The following PTGER2 variants were observed in gnomAD, a reference collection of about 807,000 sequenced individuals.
PTGER2 encodes the protein prostaglandin E receptor 2, also known as prostaglandin E2 receptor EP2 subtype.
PTGER2 carries 22 observed loss-of-function variants against 26.2 expected under a neutral mutation model. That is an observed-to-expected ratio of 0.84 (90% confidence interval 0.60 to 1.20). The LOEUF is 1.20. Among genes scored for constraint, PTGER2 ranks in the 50% most tolerant of loss-of-function variants. PTGER2 has a pLI of 0.00. For synonymous variants in PTGER2, 219 were observed against 208.9 expected (o/e 1.05, Z -0.42); for missense variants, 458 against 475.2 (o/e 0.96, Z 0.34).
In PTGER2 at chr14:52,327,289, A is replaced by G. The variant is rs2229187; in HGVS notation, c.912A>G (p.Leu304=). Residue 304 remains leucine, a synonymous_variant, in exon 2 of 2, where the codon TTA becomes TTG. Coordinates refer to ENST00000245457, the MANE Select transcript of PTGER2 (RefSeq NM_000956.4). ...GGGACCTCCAAGCTCTTAGGTTTTT[A>G]TCAATTAATTCAATAATTGACCCTT... is the stretch of plus-strand genomic sequence containing the variant. ...EKWDLQALRF[L]SINSIIDPWV... 0.037 allele frequency: 59,400 copies of G among 1,613,386 alleles called. 1,299 individuals are homozygous for G. The highest frequency in any genetic ancestry group is 0.044 in the Middle Eastern group (264 of 6,062).
chr14:52,319,248 G>C lies in PTGER2; in HGVS notation c.843+3857G>C, dbSNP rs188893931. 1.2e-3 allele frequency among the ~76,000 whole-genome samples: 184 copies of C among 152,326 alleles called. 1 individual carries two copies. Among genetic ancestry groups the C allele is most frequent in the Middle Eastern group, 6.8e-3 (2 of 294 alleles). On this transcript the variant is annotated intron_variant, in intron 1 of 1. Coordinates refer to ENST00000245457, the MANE Select transcript of PTGER2 (RefSeq NM_000956.4). ...TTCTTCATGTCAGCTCAAGGGAGCT[G>C]AGCCAGGGCCAACTATGTGGTTCCC...
chr14:52,315,290 C>A lies in PTGER2; in HGVS notation c.742C>A (p.Arg248Ser), dbSNP rs1432100860. The A allele has an allele frequency of 6.2e-7, 1 of 1,612,918 alleles. No homozygotes were observed. Among genetic ancestry groups the A allele is most frequent in the Non-Finnish European group, 8.5e-7 (1 of 1,179,742 alleles). ...CAGTGGCCGGGGCGGCCCCGGGGCC[C>A]GCAGGAGAGGGGAAAGGGTGTCCAT... ...LGSGRGGPGA[R>S]RRGERVSMAE... Residue 248 changes from arginine to serine, a missense_variant, in exon 1 of 2, where the codon CGC becomes AGC. By Grantham distance (110) the Arg-to-Ser change is moderately radical. Transcript: ENST00000245457.
chr14:52,321,854 C>A (rs1462008186), intron 1 of PTGER2, among the ~76,000 whole-genome samples: 1 of 152,158 alleles, frequency 6.6e-6, no homozygotes, highest in Non-Finnish European at 1.5e-5. Flanking sequence ...AAGGGAAAAT[C>A]AGATTGTATA....
intron 1 of PTGER2, among the ~76,000 whole-genome samples, chr14:52,322,672 A>G (rs944631437): frequency 6.6e-6 from 1 of 152,134 alleles, no homozygotes; most frequent in Non-Finnish European, 1.5e-5. Context: ...TCTCAACCGC[A>G]TAAGACAGAC....
intron 1 of PTGER2, among the ~76,000 whole-genome samples, chr14:52,324,956 T>C (rs2140040046): frequency 6.6e-6 from 1 of 152,244 alleles, no homozygotes; most frequent in East Asian, 1.9e-4. Context: ...CTGTCCAACA[T>C]GGTGAAACCC....
chr14:52,322,991 A>G (rs761336802), intron 1 of PTGER2, among the ~76,000 whole-genome samples: 1 of 152,246 alleles, frequency 6.6e-6, no homozygotes, highest in Non-Finnish European at 1.5e-5. Flanking sequence ...TAACACAAAT[A>G]TCATAGTGGT....
At chr14:52,320,209 A>T (rs368193315) in intron 1 of PTGER2, among the ~76,000 whole-genome samples, 2 of 152,348 alleles carry the variant, frequency 1.3e-5, no homozygotes, top group South Asian at 2.1e-4. Flanking sequence ...TTTAATACAC[A>T]TGATGTTTTA....
chr14:52,314,382 A>T lies in PTGER2; in HGVS notation c.-167A>T. 1 of 766,306 alleles carries T rather than the reference A, an allele frequency of 1.3e-6. No individual in the cohort carries two copies. The highest frequency in any genetic ancestry group is 1.8e-6 in the Non-Finnish European group (1 of 561,840). The allele number at this position is 766,306 out of a possible 1,614,324, so 47.5% of individuals were successfully genotyped here. On this transcript the variant is annotated 5_prime_UTR_variant, in exon 1 of 2. It introduces an in-frame stop codon into an upstream open reading frame of the 5' UTR. Coordinates refer to ENST00000245457, the MANE Select transcript of PTGER2 (RefSeq NM_000956.4). The surrounding 1 kb of genome is among the most constrained non-coding windows in gnomAD (Gnocchi z 5.7). ...GAGCCGCCACTCGGCGCGCGGCGGG[A>T]GACCCAGGGCAAGCCGCCGTCGGCG...
intron 1 of PTGER2, among the ~76,000 whole-genome samples, chr14:52,318,961 G>C (rs189734943): frequency 6.6e-6 from 1 of 152,102 alleles, no homozygotes; most frequent in Non-Finnish European, 1.5e-5. Context: ...GATTTCTATC[G>C]TACAGACGAG....
Position 52,314,746 on chromosome 14 carries a change from G to C in PTGER2, c.198G>C (p.Leu66Phe). The change falls in exon 1 of 2, where the codon TTG becomes TTC. Residue 66 changes from leucine (L) to phenylalanine (F), a missense_variant. Physicochemically the swap from Leu to Phe is conservative, Grantham distance 22. Coordinates refer to ENST00000245457, the MANE Select transcript of PTGER2 (RefSeq NM_000956.4). The surrounding 1 kb of genome is among the most constrained non-coding windows in gnomAD (Gnocchi z 5.7). ...CCGGCCGCAGGAGCTCCCTCTCCTT[G>C]TTCCACGTGCTGGTGACCGAGCTGG... is the stretch of plus-strand genomic sequence containing the variant. ...CSAGRRSSLS[L>F]FHVLVTELVF... 1.2e-6 allele frequency: 2 copies of C among 1,600,528 alleles called. No individual in the cohort carries two copies. Among genetic ancestry groups the C allele is most frequent in the Non-Finnish European group, 1.7e-6 (2 of 1,170,792 alleles).
chr14:52,314,959 G>A lies in PTGER2; in HGVS notation c.411G>A (p.Ser137=), dbSNP rs751150188. Residue 137 remains serine (S), a synonymous_variant, in exon 1 of 2, where the codon TCG becomes TCA. Coordinates refer to ENST00000245457, the MANE Select transcript of PTGER2 (RefSeq NM_000956.4). The surrounding 1 kb of genome is among the most constrained non-coding windows in gnomAD (Gnocchi z 5.7). The part of the protein sequence containing the change: ...LFAMALERYL[S]IGHPYFYQRR... ...CCATGGCCCTGGAGCGCTACCTCTC[G>A]ATCGGGCACCCCTACTTCTACCAGC... 2.5e-6 allele frequency: 4 copies of A among 1,613,200 alleles called. No individual in the cohort carries two copies. The highest frequency in any genetic ancestry group is 3.4e-6 in the Non-Finnish European group (4 of 1,179,972).
At position 52,327,684 on chromosome 14, in the gene PTGER2, T is replaced by C; in HGVS notation, c.*230T>C. On this transcript the variant is annotated 3_prime_UTR_variant, in exon 2 of 2. Transcript: ENST00000245457. ...CTCAGTGAGCATGGTACTTGGCCTT[T>C]GGAGGAACAATCGGCTGCATTGAAG... 2.3e-6 allele frequency: 1 copy of C among 430,900 alleles called. No homozygotes were observed. Among genetic ancestry groups the C allele is most frequent in the Non-Finnish European group, 4.1e-6 (1 of 242,534 alleles). 26.7% of individuals were successfully genotyped at this position (430,900 alleles called of 1,614,324 possible).
chr14:52,322,604 T>C lies in PTGER2; in HGVS notation c.844-4617T>C, dbSNP rs571819631. On this transcript the variant is annotated intron_variant, in intron 1 of 1. Transcript: ENST00000245457. ...TCAAATTAACCAGGGTGGGTTTTTT[T>C]CCCCACCCTAGTAAGCCTGAGGGTA... Among the ~76,000 whole-genome samples the C allele has an allele frequency of 2.6e-5, 4 of 152,158 alleles. No individual in the cohort carries two copies. In the South Asian group the frequency reaches 6.2e-4, roughly 24 times the overall value.
At position 52,315,372 on chromosome 14, in the gene PTGER2, T is replaced by C. The variant is rs1352820972; in HGVS notation, c.824T>C (p.Val275Ala). Residue 275 changes from valine to alanine, a missense_variant, in exon 1 of 2, where the codon GTC (valine) becomes GCC (alanine). Transcript: ENST00000245457. ...LLAIMTITFAVCSLPFTIFAY... is the reference protein window; with the variant it reads ...LLAIMTITFAACSLPFTIFAY... ...GCTATCATGACCATCACCTTCGCCG[T>C]CTGCTCCTTGCCTTTCACGGTAAGT... The C allele has an allele frequency of 3.1e-6, 5 of 1,613,260 alleles. No individual in the cohort carries two copies. Among genetic ancestry groups the C allele is most frequent in the Admixed American group, 3.3e-5 (2 of 60,010 alleles).
rs755999196 is a variant in PTGER2 at position 52,314,987 on chromosome 14, C to T, written c.439C>T (p.Arg147Cys). ...CGGGCACCCCTACTTCTACCAGCGC[C>T]GCGTCTCGCGCTCCGGGGGCCTGGC... ...SIGHPYFYQR[R>C]VSRSGGLAVL... Residue 147 changes from arginine to cysteine, a missense_variant, in exon 1 of 2, where the codon CGC (arginine) becomes TGC (cysteine). By Grantham distance (180) the Arg-to-Cys change is radical. Coordinates refer to ENST00000245457, the MANE Select transcript of PTGER2 (RefSeq NM_000956.4). This position sits in a 1 kb window ranked among gnomAD's most constrained non-coding sequence, Gnocchi z 5.7. 2 of 1,613,434 alleles carry T rather than the reference C, an allele frequency of 1.2e-6. No individual in the cohort carries two copies. Among genetic ancestry groups the T allele is most frequent in the Non-Finnish European group, 1.7e-6 (2 of 1,180,020 alleles).
intron 1 of PTGER2, among the ~76,000 whole-genome samples, chr14:52,317,736 G>C (rs2033855489): frequency 1.3e-5 from 2 of 152,194 alleles, no homozygotes; most frequent in African/African-American, 4.8e-5. Flanking sequence ...TTTGCTTCTG[G>C]CAAAGATTCC....
At chr14:52,323,078 TAA>T (rs1382658735) in intron 1 of PTGER2, among the ~76,000 whole-genome samples, 1 of 152,194 alleles carries the variant, frequency 6.6e-6, no homozygotes. Flanking sequence ...TAAGAAATTA[TAA>T]GAGTATTATT....
chr14:52,315,146 T>C lies in PTGER2; in HGVS notation c.598T>C (p.Tyr200His). 1 of 1,609,068 alleles carries C rather than the reference T, an allele frequency of 6.2e-7. No individual in the cohort carries two copies. Among genetic ancestry groups the C allele is most frequent in the Non-Finnish European group, 8.5e-7 (1 of 1,179,964 alleles). The change falls in exon 1 of 2, where the codon TAC becomes CAC. Residue 200 changes from tyrosine to histidine, a missense_variant. Tyr to His is a moderately conservative substitution (Grantham distance 83, BLOSUM62 2). Transcript: ENST00000245457. ...RHGRTAYLQL[Y>H]ATLLLLLIVS... ...CGGGCGGACCGCTTACCTGCAGCTGTACGCCACCCTGCTGCTGCTTCTCAT... is the reference window on the plus strand; with the variant it reads ...CGGGCGGACCGCTTACCTGCAGCTGCACGCCACCCTGCTGCTGCTTCTCAT...
intron 1 of PTGER2, among the ~76,000 whole-genome samples, chr14:52,318,809 G>GT (rs1213179903): frequency 1.3e-5 from 2 of 152,088 alleles, no homozygotes; most frequent in Admixed American, 6.5e-5. Flanking sequence ...TAAAACTGTA[G>GT]TTTTTTTTAA....
Sources: allele counts gnomAD v4.1 joint callset (sites outside exome capture counted in the v4.1 genomes callset), GRCh38; gene constraint gnomAD v4.1.1; non-coding constraint Gnocchi (gnomAD v3.1); transcripts MANE v1.5; gene names NCBI Gene and HGNC (gene_info 2026-07-23, HGNC 2026-07-21).